Variants in ULK2 observed in about 807,000 individuals in gnomAD.
ULK2 encodes unc-51 like autophagy activating kinase 2.
ULK2 carries 76 observed loss-of-function variants against 127.5 expected under a neutral mutation model. That is an observed-to-expected ratio of 0.60 (90% CI 0.50 to 0.72). The LOEUF (loss-of-function observed/expected upper bound fraction) is 0.72. Among genes scored for constraint, ULK2 ranks in the 30% least tolerant of loss-of-function variants. ULK2 has a pLI of 0.00. For synonymous variants in ULK2, 452 were observed against 461.9 expected (o/e 0.98, Z 0.28); for missense variants, 1,144 against 1,295.9 (o/e 0.88, Z 1.80).
In ULK2 at chr17:19,783,660, C is replaced by T. The variant is rs750745289; in HGVS notation, c.2460+37G>A. 3.6e-6 allele frequency: 5 copies of T among 1,384,608 alleles called. No individual in the cohort carries two copies. The African/African-American group carries it at 5.9e-5, about 16-fold the overall frequency. The allele number at this position is 1,384,608 out of a possible 1,614,324, so 85.8% of individuals were successfully genotyped here. A position where few individuals can be genotyped will look rare whatever the true frequency, so the allele number is the denominator to read the frequency against. Reference sequence around the variant, plus strand: ...TCACTAGAATGTTCTCATATCAAATCAACATTACATTCACACCACTATAGT... The same window carrying T: ...TCACTAGAATGTTCTCATATCAAATTAACATTACATTCACACCACTATAGT... On this transcript the variant is annotated intron_variant, in intron 22 of 26. Coordinates refer to ENST00000395544, the MANE Select transcript of ULK2 (RefSeq NM_014683.4).
intron 10 of ULK2, among the ~76,000 whole-genome samples, chr17:19,830,520 G>A: frequency 6.6e-6 from 1 of 151,024 alleles, no homozygotes; most frequent in East Asian, 1.9e-4. Context: ...TTAAAAGATT[G>A]TAATCACGGT....
intron 3 of ULK2, among the ~76,000 whole-genome samples, chr17:19,851,487 G>T (rs1027562876): frequency 6.0e-5 from 9 of 150,364 alleles, no homozygotes; most frequent in African/African-American, 2.0e-4. Flanking sequence ...AAAATACAAA[G>T]AAATTAGCCG....
In ULK2 at chr17:19,829,565, C is replaced by T. The variant is rs181491915; in HGVS notation, c.788-3379G>A. On this transcript the variant is annotated intron_variant, in intron 10 of 26. Coordinates refer to ENST00000395544, the MANE Select transcript of ULK2 (RefSeq NM_014683.4). ...AAAAAAAAAGGGGGGGGGCTGGGCA[C>T]GGTAGCTCACGCCTGTAATCCCAGC... 3.9e-3 allele frequency among the ~76,000 whole-genome samples: 419 copies of T among 107,796 alleles called. 15 individuals are homozygous for T. Among genetic ancestry groups the T allele is most frequent in the African/African-American group, 0.014 (399 of 28,936 alleles). 70.7% of individuals were successfully genotyped at this position (107,796 alleles called of 152,430 possible).
chr17:19,776,234 T>C lies in ULK2; in HGVS notation c.*115A>G. 3 of 835,872 alleles carry C rather than the reference T, an allele frequency of 3.6e-6. No homozygotes were observed. Among genetic ancestry groups the C allele is most frequent in the Non-Finnish European group, 5.3e-6 (3 of 566,312 alleles). 51.8% of individuals were successfully genotyped at this position (835,872 alleles called of 1,614,324 possible). ...TTTCAAATCACTGCTTGTTCTTTGG[T>C]AGTCACCAGTTAAGAAGCTACAGTT... On this transcript the variant is annotated 3_prime_UTR_variant, in exon 27 of 27. Transcript: ENST00000395544.
In ULK2 at chr17:19,780,467, G is replaced by A. The variant is rs1213164974; in HGVS notation, c.2916+5C>T. 6.2e-7 allele frequency: 1 copy of A among 1,606,598 alleles called. No homozygotes were observed. ...TATACAATATTAAACCTTAGAAAGG[G>A]TTACCATTTCTACAGCACAATTATA... On this transcript the variant is annotated splice_donor_5th_base_variant and intron_variant, in intron 25 of 26. Coordinates refer to ENST00000395544, the MANE Select transcript of ULK2 (RefSeq NM_014683.4).
chr17:19,799,347 AAAC>A, intron 17 of ULK2, 145 bp downstream of exon 17: 1 of 580,802 alleles, frequency 1.7e-6, no homozygotes, highest in Non-Finnish European at 2.7e-6. Flanking sequence ...ATGACATATT[AAAC>A]CACATTAGAC....
Position 19,838,603 on chromosome 17 carries a change from C to T in ULK2, c.705-20G>A, listed in dbSNP as rs372391906. 1.4e-4 allele frequency: 225 copies of T among 1,598,626 alleles called. No homozygotes were observed. The highest frequency in any genetic ancestry group is 1.8e-4 in the Non-Finnish European group (214 of 1,169,846). On this transcript the variant is annotated intron_variant, in intron 9 of 26. Transcript: ENST00000395544. ...GGAATACTGGGGGAAAGGAAAAACA[C>T]AACCACCTAAGTGATAAGTTTATAT...
chr17:19,782,196 T>G, intron 22 of ULK2, 129 bp from the exon 23 acceptor site: 1 of 1,045,648 alleles, frequency 9.6e-7, no homozygotes, highest in Non-Finnish European at 1.3e-6. Context: ...AAAAGGAGAT[T>G]GAAATTTTTA....
intron 15 of ULK2, among the ~76,000 whole-genome samples, chr17:19,803,318 T>A (rs1054191453): frequency 6.6e-6 from 1 of 152,146 alleles, no homozygotes; most frequent in East Asian, 1.9e-4. Context: ...AAATATTAAT[T>A]TTTACTGCCT....
chr17:19,851,716 T>C (rs936975966), intron 3 of ULK2, among the ~76,000 whole-genome samples: 12 of 151,392 alleles, frequency 7.9e-5, no homozygotes, highest in Non-Finnish European at 1.5e-4. Context: ...AAAAAGGAAA[T>C]AGAGAGGTAT....
intron 12 of ULK2, among the ~76,000 whole-genome samples, chr17:19,822,790 G>A (rs750974099): frequency 1.3e-5 from 2 of 152,032 alleles, no homozygotes; most frequent in East Asian, 1.9e-4. Context: ...GGGTTCAAGC[G>A]ATTCTCCTGC....
chr17:19,845,690 T>C (rs2041864446), intron 6 of ULK2, among the ~76,000 whole-genome samples: 1 of 152,138 alleles, frequency 6.6e-6, no homozygotes, highest in African/African-American at 2.4e-5. Flanking sequence ...ATACCAGATG[T>C]AGAATGTGAA....
intron 10 of ULK2, among the ~76,000 whole-genome samples, chr17:19,828,920 A>G (rs205106): frequency 6.6e-6 from 1 of 152,094 alleles, no homozygotes; most frequent in South Asian, 2.1e-4. Flanking sequence ...GAAACCAAAA[A>G]TACAAAAAAA....
rs374218741 is a variant in ULK2, at chr17:19,801,848, G to A, written c.1370C>T (p.Ala457Val). 6 of 1,614,098 alleles carry A rather than the reference G, an allele frequency of 3.7e-6. No homozygotes were observed. The African/African-American group carries it at 4.0e-5, about 11-fold the overall frequency. Residue 457 changes from alanine to valine, a missense_variant, in exon 16 of 27, where the codon GCA (alanine) becomes GTA (valine). Physicochemically the swap from Ala to Val is moderately conservative, Grantham distance 64 (BLOSUM62 0). This residue lies in a region of ULK2 where 913 missense variants were observed against 970.5 expected (regional missense o/e 0.94). Transcript: ENST00000395544. ...TCGTCCAACTGTCTGTGCTGTGTCT[G>A]CTGGTACTGGGGAGCATGATCCCGG... ...LRPGSCSPVP[A>V]DTAQTVGRRL...
intron 11 of ULK2, 82 bp downstream of exon 11, chr17:19,826,057 T>A: frequency 1.7e-6 from 1 of 601,030 alleles, no homozygotes; most frequent in Non-Finnish European, 2.6e-6. Flanking sequence ...CAATAAAAGA[T>A]GAATTTTGTA....
intron 6 of ULK2, among the ~76,000 whole-genome samples, 192 bp downstream of exon 6, chr17:19,846,545 C>A (rs2041887231): frequency 6.6e-6 from 1 of 151,282 alleles, no homozygotes; most frequent in Non-Finnish European, 1.5e-5. Context: ...GAGGCTGAAG[C>A]AGGAGAATCG....
rs2042384247 is a variant in ULK2 at position 19,867,621 on chromosome 17, CGGCCCGGCCCCTGCCGCTCAT to C, written c.-225_-205del. 3 of 275,858 alleles carry C rather than the reference CGGCCCGGCCCCTGCCGCTCAT, an allele frequency of 1.1e-5. No individual in the cohort carries two copies. Among genetic ancestry groups the C allele is most frequent in the Admixed American group, 5.4e-5 (1 of 18,576 alleles). 17.1% of individuals were successfully genotyped at this position (275,858 alleles called of 1,614,324 possible). ...GCGCGGAGCCAGGGTCAGCGAGGCC[CGGCCCGGCCCCTGCCGCTCAT>C]GGCCCGGCCTGCCGCCGGCCGCTGG... On this transcript the variant is annotated 5_prime_UTR_variant, in exon 1 of 27. An upstream start codon of the reference 5' UTR is lost. Coordinates refer to ENST00000395544, the MANE Select transcript of ULK2 (RefSeq NM_014683.4).
At chr17:19,797,830 G>A (rs2087308179) in intron 17 of ULK2, 148 bp from the exon 18 acceptor site, 1 of 823,388 alleles carries the variant, frequency 1.2e-6, no homozygotes, top group South Asian at 2.8e-5. Context: ...CTTGGCAAGA[G>A]ACTATTTTTC....
At chr17:19,859,344 TC>T (rs1356881273) in intron 3 of ULK2, among the ~76,000 whole-genome samples, 2 of 151,986 alleles carry the variant, frequency 1.3e-5, no homozygotes, top group African/African-American at 4.8e-5. Context: ...TGAAGCTCCA[TC>T]TCTACTAAAA....
Sources: allele counts gnomAD v4.1 joint callset (sites outside exome capture counted in the v4.1 genomes callset), GRCh38; gene constraint gnomAD v4.1.1; regional missense constraint gnomAD v4.1.1; transcripts MANE v1.5; gene names NCBI Gene and HGNC (gene_info 2026-07-23, HGNC 2026-07-21).